Variants in TENM4 observed in about 807,000 individuals in gnomAD.
TENM4 encodes the protein teneurin-4.
TENM4 carries 82 observed loss-of-function variants against 243.3 expected under a neutral mutation model. The ratio of observed to expected loss-of-function variants is 0.34; its 90% CI spans 0.28 to 0.40. TENM4 has a LOEUF of 0.40. TENM4 is among the 10% of genes least tolerant of loss of function. The pLI is 1.00. For missense variants in TENM4, 3,138 were observed against 3,673.3 expected (o/e 0.85, Z 3.77); for synonymous variants, 1,412 against 1,456.3 (o/e 0.97, Z 0.69).
intron 3 of TENM4, among the ~76,000 whole-genome samples, chr11:79,156,644 T>C (rs1862625277): frequency 6.6e-6 from 1 of 152,138 alleles, no homozygotes; most frequent in South Asian, 2.1e-4. Context: ...TCCAGCACCC[T>C]CCTTTTCTTT....
At chr11:79,287,690 G>C (rs992742947) in intron 2 of TENM4, among the ~76,000 whole-genome samples, 8 of 152,176 alleles carry the variant, frequency 5.3e-5, no homozygotes, top group Admixed American at 3.3e-4. Flanking sequence ...TCAAGTGACT[G>C]TCTAAGATCA....
In TENM4 at chr11:78,708,376, G is replaced by A; in HGVS notation, c.4194C>T (p.Val1398=). ...GCCATCTTACCTGGGAAATATCCAT[G>A]ACAGAATCACAGCTGAGTGGCCGGG... The part of the protein sequence containing the change: ...TSARPLSCDS[V]MDISQVHLEW... Residue 1398 remains valine, a synonymous_variant, in exon 27 of 34, where the codon GTC becomes GTT. Coordinates refer to ENST00000278550, the MANE Select transcript of TENM4 (RefSeq NM_001098816.3). The A allele has an allele frequency of 1.2e-6, 2 of 1,614,040 alleles. No homozygotes were observed. Among genetic ancestry groups the A allele is most frequent in the Non-Finnish European group, 1.7e-6 (2 of 1,179,902 alleles).
chr11:78,900,312 T>G (rs879629759), intron 7 of TENM4, among the ~76,000 whole-genome samples: 3 of 152,276 alleles, frequency 2.0e-5, no homozygotes, highest in East Asian at 3.9e-4. Context: ...AGCACTAGGG[T>G]GGGGTTTCTG....
At chr11:79,341,399 C>T (rs1477022911) in intron 1 of TENM4, among the ~76,000 whole-genome samples, 1 of 152,148 alleles carries the variant, frequency 6.6e-6, no homozygotes. Flanking sequence ...ATCCTGAGTG[C>T]CACACAGGCA....
At chr11:79,436,314 T>C (rs569978080) in intron 1 of TENM4, among the ~76,000 whole-genome samples, 3 of 152,044 alleles carry the variant, frequency 2.0e-5, no homozygotes, top group Non-Finnish European at 4.4e-5. Flanking sequence ...ATTGGGACAA[T>C]TGGAAAAATC....
chr11:78,720,495 A>G (rs901332030), intron 24 of TENM4, 105 bp from the exon 25 acceptor site: 3 of 1,100,130 alleles, frequency 2.7e-6, no homozygotes, highest in Admixed American at 1.7e-5. Flanking sequence ...ATGGTACTAT[A>G]CAATACTGTA....
At chr11:79,328,710 T>C (rs1383705385) in intron 1 of TENM4, among the ~76,000 whole-genome samples, 1 of 152,130 alleles carries the variant, frequency 6.6e-6, no homozygotes, top group Non-Finnish European at 1.5e-5. Context: ...CCCGCTTCTG[T>C]TCTGAGTTGG....
At chr11:79,190,723 T>C (rs569680191) in intron 3 of TENM4, among the ~76,000 whole-genome samples, 1 of 152,222 alleles carries the variant, frequency 6.6e-6, no homozygotes, top group South Asian at 2.1e-4. Flanking sequence ...TTTGTTAATG[T>C]TGCAAAGCAG....
chr11:78,752,493 G>A (rs1174746750), intron 19 of TENM4, among the ~76,000 whole-genome samples: 1 of 152,236 alleles, frequency 6.6e-6, no homozygotes, highest in East Asian at 1.9e-4. Context: ...TCTGAGGCCT[G>A]CCTTTCCTTG....
intron 3 of TENM4, among the ~76,000 whole-genome samples, chr11:79,175,266 T>C (rs11237749): frequency 0.21 from 32,402 of 152,136 alleles, 4,368 homozygotes; most frequent in Middle Eastern, 0.31. Context: ...AAGCAAGCCA[T>C]GGATTTATAT....
intron 6 of TENM4, among the ~76,000 whole-genome samples, chr11:79,008,754 G>C (rs753014199): frequency 8.5e-5 from 13 of 152,098 alleles, no homozygotes; most frequent in Non-Finnish European, 1.8e-4. Flanking sequence ...TTTCGAATGA[G>C]ATCCTTGGAA....
At chr11:78,892,819 A>G (rs935990484) in intron 7 of TENM4, among the ~76,000 whole-genome samples, 3 of 152,232 alleles carry the variant, frequency 2.0e-5, no homozygotes, top group Non-Finnish European at 4.4e-5. Flanking sequence ...TTCTAAGGCC[A>G]TATCATAAAC....
chr11:79,354,396 A>T (rs1363575381), intron 1 of TENM4, among the ~76,000 whole-genome samples: 1 of 152,172 alleles, frequency 6.6e-6, no homozygotes, highest in Non-Finnish European at 1.5e-5. Context: ...ATTTTATTTC[A>T]TTTCTTTGAT....
chr11:79,154,013 T>C (rs1372442752), intron 3 of TENM4, among the ~76,000 whole-genome samples: 1 of 152,094 alleles, frequency 6.6e-6, no homozygotes, highest in Non-Finnish European at 1.5e-5. Flanking sequence ...TGTGAAAAGT[T>C]TTAAAAACAG....
chr11:78,695,296 C>G (rs968833632), intron 28 of TENM4, among the ~76,000 whole-genome samples: 6 of 152,126 alleles, frequency 3.9e-5, no homozygotes, highest in African/African-American at 1.4e-4. Context: ...TTACCCCTCC[C>G]TATACCTCTA....
At chr11:79,251,258 C>G (rs1855605277) in intron 2 of TENM4, among the ~76,000 whole-genome samples, 1 of 152,208 alleles carries the variant, frequency 6.6e-6, no homozygotes, top group East Asian at 1.9e-4. Context: ...TTTCCTCCCT[C>G]CATGTATGAG....
At chr11:79,080,159 A>G (rs1860630872) in intron 4 of TENM4, among the ~76,000 whole-genome samples, 1 of 152,130 alleles carries the variant, frequency 6.6e-6, no homozygotes, top group Non-Finnish European at 1.5e-5. Context: ...TATCTCCCAC[A>G]GTTTTCAAGC....
intron 20 of TENM4, among the ~76,000 whole-genome samples, chr11:78,737,300 C>A (rs974672873): frequency 1.3e-5 from 2 of 152,178 alleles, no homozygotes; most frequent in Non-Finnish European, 2.9e-5. Flanking sequence ...AGTGGCCTGG[C>A]CTGGCCAGTT....
chr11:78,978,693 A>C (rs1424065147), intron 6 of TENM4, among the ~76,000 whole-genome samples: 1 of 152,198 alleles, frequency 6.6e-6, no homozygotes, highest in East Asian at 1.9e-4. Flanking sequence ...GATTGGGAAA[A>C]AAAATTAGAG....
Sources: allele counts gnomAD v4.1 joint callset (sites outside exome capture counted in the v4.1 genomes callset), GRCh38; gene constraint gnomAD v4.1.1; transcripts MANE v1.5; gene names NCBI Gene and HGNC (gene_info 2026-07-23, HGNC 2026-07-21).